The following NT5DC3 variants were observed in gnomAD, a reference collection of about 807,000 sequenced individuals.
The protein encoded by NT5DC3 is 5'-nucleotidase domain containing 3, also known as 5'-nucleotidase domain-containing protein 3.
Under a neutral mutation model 67.8 loss-of-function variants are expected in NT5DC3, and 42 were observed. The ratio of observed to expected loss-of-function variants is 0.62; its 90% confidence interval spans 0.48 to 0.80. The LOEUF (loss-of-function observed/expected upper bound fraction) is 0.80, where lower values mean the gene tolerates loss of function less well. NT5DC3 is among the 30% of genes least tolerant of loss of function. The pLI is 0.00. For synonymous variants in NT5DC3, 237 were observed against 255.6 expected (o/e 0.93, Z 0.69); for missense variants, 570 against 696.4 (o/e 0.82, Z 2.04).
chr12:103,758,414 A>C, the NT5DC3 span: 1 of 1,479,426 alleles, frequency 6.8e-7, no homozygotes. Context: ...GATCATCTGC[A>C]GATCAGTTGG....
rs1885266989 is a variant in NT5DC3, at chr12:103,774,215, A to T, written c.*3614T>A. Reference sequence around the variant, plus strand: ...TCATTGTTCACATAATTCTTAGAAAATCAGTCAAACAATATTAAACAGTAA... The same window carrying T: ...TCATTGTTCACATAATTCTTAGAAATTCAGTCAAACAATATTAAACAGTAA... On this transcript the variant is annotated 3_prime_UTR_variant, in exon 14 of 14. Transcript: ENST00000392876. The T allele has an allele frequency of 6.6e-6, 1 of 152,262 alleles. No individual in the cohort carries two copies. Among genetic ancestry groups the T allele is most frequent in the South Asian group, 2.1e-4 (1 of 4,836 alleles). 9.4% of individuals were successfully genotyped at this position (152,262 alleles called of 1,614,324 possible).
chr12:103,746,576 A>G, the NT5DC3 span: 2 of 1,611,762 alleles, frequency 1.2e-6, no homozygotes, highest in South Asian at 2.2e-5. Flanking sequence ...TACAGAATGA[A>G]AGTGGCCCCT....
intron 2 of NT5DC3, among the ~76,000 whole-genome samples, chr12:103,809,164 C>T (rs1045183380): frequency 6.6e-6 from 1 of 152,270 alleles, no homozygotes; most frequent in Non-Finnish European, 1.5e-5. Flanking sequence ...CTCCCTGTGA[C>T]AGCAGCACCT....
chr12:103,837,025 G>A (rs532931741), intron 1 of NT5DC3, among the ~76,000 whole-genome samples: 61 of 152,314 alleles, frequency 4.0e-4, no homozygotes, highest in East Asian at 2.1e-3. Context: ...TGAGGGCCCC[G>A]TCTCTGCAGC....
chr12:103,785,239 C>T (rs766370180), intron 12 of NT5DC3, 96 bp downstream of exon 12: 24 of 1,219,302 alleles, frequency 2.0e-5, no homozygotes, highest in Admixed American at 3.6e-5. Context: ...CAACTTAAGC[C>T]TCATATTTTA....
At chr12:103,793,349 T>C (rs1886151300) in intron 8 of NT5DC3, 61 bp downstream of exon 8, 1 of 1,558,456 alleles carries the variant, frequency 6.4e-7, no homozygotes, top group South Asian at 1.1e-5. Context: ...TTCCAGCTGC[T>C]AAAACAAATG....
At chr12:103,748,953 G>C in the NT5DC3 span, 1 of 1,610,666 alleles carries the variant, frequency 6.2e-7, no homozygotes, top group East Asian at 2.2e-5. Flanking sequence ...TCTCTCCTCT[G>C]CTCTTGCAGT....
chr12:103,788,234 A>G (rs1885879999), intron 10 of NT5DC3, among the ~76,000 whole-genome samples: 1 of 152,204 alleles, frequency 6.6e-6, no homozygotes, highest in African/African-American at 2.4e-5. Context: ...TGAGCCCAAG[A>G]GTTCAAGACC....
chr12:103,808,341 AACATC>A (rs901341358), intron 2 of NT5DC3, among the ~76,000 whole-genome samples: 4 of 152,196 alleles, frequency 2.6e-5, no homozygotes, highest in African/African-American at 4.8e-5. Flanking sequence ...TGCAGGACAG[AACATC>A]TATTCCTGAG....
At chr12:103,809,745 T>C (rs1475221491) in intron 2 of NT5DC3, among the ~76,000 whole-genome samples, 1 of 152,132 alleles carries the variant, frequency 6.6e-6, no homozygotes, top group Non-Finnish European at 1.5e-5. Flanking sequence ...ACGTGGGGAT[T>C]ATGGGAGCTA....
chr12:103,746,658 G>A, the NT5DC3 span: 59 of 1,614,098 alleles, frequency 3.7e-5, no homozygotes, highest in South Asian at 2.3e-4. Flanking sequence ...AGAACAACAC[G>A]TGTGAGTGTA....
At chr12:103,764,817 G>A in the NT5DC3 span, among the ~76,000 whole-genome samples, 2 of 151,980 alleles carry the variant, frequency 1.3e-5, no homozygotes, top group Admixed American at 6.6e-5. Flanking sequence ...GTAAGTTCGG[G>A]CCGGGTGCAG....
chr12:103,778,081 T>C lies in NT5DC3; in HGVS notation c.1395A>G (p.Arg465=). ...CATTGAAGAAACTCTTGGTCATTTC[T>C]CTGAAGAGGCAATAAAAAAGCAAAG... ...QEWKKERKEM[R]EMTKSFFNAQ... is the part of the protein sequence containing the mutation. The change falls in exon 14 of 14, where the codon CGA becomes CGG. Residue 465 remains arginine (R), a splice_region_variant and synonymous_variant. Coordinates refer to ENST00000392876, the MANE Select transcript of NT5DC3 (RefSeq NM_001031701.3). 6.3e-7 allele frequency: 1 copy of C among 1,598,048 alleles called. No homozygotes were observed. Among genetic ancestry groups the C allele is most frequent in the Non-Finnish European group, 8.5e-7 (1 of 1,170,506 alleles).
intron 1 of NT5DC3, among the ~76,000 whole-genome samples, chr12:103,832,562 T>G (rs12320424): frequency 0.18 from 27,612 of 152,036 alleles, 2,647 homozygotes; most frequent in Middle Eastern, 0.31. Flanking sequence ...CTACCCAGAA[T>G]TTACACCCTA....
intron 4 of NT5DC3, among the ~76,000 whole-genome samples, chr12:103,804,291 T>A (rs1437003009): frequency 6.6e-6 from 1 of 152,174 alleles, no homozygotes; most frequent in Non-Finnish European, 1.5e-5. Flanking sequence ...AAACACTGGA[T>A]GCAAAGAAGG....
intron 13 of NT5DC3, 80 bp from the exon 14 acceptor site, chr12:103,778,161 TTC>T (rs1885407108): frequency 1.9e-5 from 26 of 1,368,424 alleles, no homozygotes; most frequent in South Asian, 7.6e-5. Context: ...TCAAAATCAC[TTC>T]TTTTTTTAAA....
intron 1 of NT5DC3, among the ~76,000 whole-genome samples, chr12:103,816,723 T>C (rs1887269512): frequency 6.6e-6 from 1 of 152,246 alleles, no homozygotes; most frequent in Admixed American, 6.5e-5. Flanking sequence ...TCCAGTATGC[T>C]GAAATGCTTT....
intron 1 of NT5DC3, among the ~76,000 whole-genome samples, chr12:103,819,305 AT>A (rs1208462051): frequency 1.3e-5 from 2 of 152,262 alleles, no homozygotes; most frequent in Non-Finnish European, 2.9e-5. Context: ...AACATGAATA[AT>A]TACAAAGCAA....
At chr12:103,793,371 G>C (rs760856950) in intron 8 of NT5DC3, 39 bp downstream of exon 8, 25 of 1,566,586 alleles carry the variant, frequency 1.6e-5, no homozygotes, top group Non-Finnish European at 2.2e-5. Context: ...GATACAAGGA[G>C]TGTGCCAGAA....
Sources: gnomAD v4.1 joint callset for allele counts (sites outside exome capture counted in the v4.1 genomes callset) on GRCh38, gnomAD v4.1.1 for gene constraint, MANE v1.5 for transcripts, NCBI Gene and HGNC (gene_info 2026-07-23, HGNC 2026-07-21) for gene names.